Variants in PTH2R observed in about 807,000 individuals in gnomAD.
PTH2R encodes the protein PTH2 receptor.
In PTH2R, 59 loss-of-function variants were observed where a neutral mutation model predicts 60.3. The ratio of observed to expected loss-of-function variants is 0.98; its 90% CI spans 0.79 to 1.22. The LOEUF (loss-of-function observed/expected upper bound fraction) is 1.22, where lower values mean the gene tolerates loss of function less well. Among genes scored for constraint, PTH2R ranks in the 50% most tolerant of loss-of-function variants. The probability of loss-of-function intolerance (pLI) is 0.00; values close to 1 mark genes in which losing one functional copy is unlikely to be tolerated. For synonymous variants in PTH2R, 256 were observed against 243.8 expected, an observed-to-expected ratio of 1.05 and a Z score of -0.47; for missense variants, 749 against 682.6, an observed-to-expected ratio of 1.10 and a Z score of -1.08.
intron 4 of PTH2R, among the ~76,000 whole-genome samples, chr2:208,438,191 G>A (rs1023302032): frequency 2.6e-5 from 4 of 152,122 alleles, no homozygotes; most frequent in African/African-American, 9.7e-5. Flanking sequence ...ATCCCAATAG[G>A]TGGTTAGTAA....
chr2:208,480,554 C>T (rs1703123026), intron 9 of PTH2R, among the ~76,000 whole-genome samples: 1 of 152,142 alleles, frequency 6.6e-6, no homozygotes, highest in African/African-American at 2.4e-5. Context: ...AAATCAATCT[C>T]ATTGACTACA....
chr2:208,364,626 CT>C (rs1700542999), intron 1 of PTH2R, among the ~76,000 whole-genome samples: 1 of 151,934 alleles, frequency 6.6e-6, no homozygotes, highest in Admixed American at 6.6e-5. Flanking sequence ...TTTTATTCTT[CT>C]TTTTCAAAAT....
At chr2:208,436,067 G>A (rs886759387) in intron 2 of PTH2R, among the ~76,000 whole-genome samples, 1 of 152,208 alleles carries the variant, frequency 6.6e-6, no homozygotes, top group African/African-American at 2.4e-5. Flanking sequence ...GTGCATTCCC[G>A]GAATGTGGCT....
chr2:208,465,929 A>G (rs1201244367), intron 9 of PTH2R, among the ~76,000 whole-genome samples: 4 of 152,098 alleles, frequency 2.6e-5, no homozygotes, highest in Non-Finnish European at 5.9e-5. Flanking sequence ...AGAAAAATTT[A>G]ACAGGTCTAT....
At chr2:208,362,572 A>C (rs1174443712) in intron 1 of PTH2R, among the ~76,000 whole-genome samples, 1 of 152,060 alleles carries the variant, frequency 6.6e-6, no homozygotes, top group Non-Finnish European at 1.5e-5. Context: ...TTCTTTGGAG[A>C]ATTCTGACTG....
chr2:208,360,304 G>A, intron 1 of PTH2R: 1 of 350,536 alleles, frequency 2.9e-6, no homozygotes, highest in Non-Finnish European at 5.8e-6. Flanking sequence ...TCTCCTACTG[G>A]TCCCTAGGAA....
chr2:208,459,458 T>A (rs1702587135), intron 8 of PTH2R, among the ~76,000 whole-genome samples: 1 of 152,190 alleles, frequency 6.6e-6, no homozygotes, highest in Admixed American at 6.5e-5. Context: ...CTTGCATTAT[T>A]GTAAGGATTC....
intron 9 of PTH2R, among the ~76,000 whole-genome samples, chr2:208,476,347 C>T (rs1703003009): frequency 6.6e-6 from 1 of 151,972 alleles, no homozygotes; most frequent in Non-Finnish European, 1.5e-5. Flanking sequence ...TGATTTTTCC[C>T]CCAGAGAAAA....
rs888736497 is a variant in PTH2R at position 208,450,887 on chromosome 2, G to A, written c.914+78G>A. ...GGCTTCCTGCTCAGAATTCACACTC[G>A]CTTCTGTTCTTGATGCCATTGCTTT... On this transcript the variant is annotated intron_variant, in intron 8 of 12. Coordinates refer to ENST00000272847, the MANE Select transcript of PTH2R (RefSeq NM_005048.4). The A allele has an allele frequency of 5.9e-5, 87 of 1,480,376 alleles. 1 individual carries two copies. Among genetic ancestry groups the A allele is most frequent in the Non-Finnish European group, 7.4e-5 (78 of 1,060,884 alleles). The allele number at this position is 1,480,376 out of a possible 1,614,324, so 91.7% of individuals were successfully genotyped here.
intron 1 of PTH2R, among the ~76,000 whole-genome samples, chr2:208,394,913 G>A (rs1306076340): frequency 6.6e-6 from 1 of 152,098 alleles, no homozygotes; most frequent in Non-Finnish European, 1.5e-5. Flanking sequence ...AAGGAACGCA[G>A]GAACTGAATG....
intron 10 of PTH2R, among the ~76,000 whole-genome samples, chr2:208,482,342 C>T (rs953009485): frequency 9.9e-5 from 15 of 152,112 alleles, no homozygotes; most frequent in Non-Finnish European, 5.9e-5. Context: ...AGGGGGTCAC[C>T]GCCTTCTGGT....
At chr2:208,450,640 T>C in intron 7 of PTH2R, 109 bp from the exon 8 acceptor site, 1 of 1,099,272 alleles carries the variant, frequency 9.1e-7, no homozygotes, top group African/African-American at 1.6e-5. Context: ...TTCATGTCTA[T>C]TTTTATCTCT....
chr2:208,492,788 A>G lies in PTH2R; in HGVS notation c.1258-476A>G, dbSNP rs146061460. Among the ~76,000 whole-genome samples the G allele has an allele frequency of 2.5e-3, 381 of 152,260 alleles. 3 individuals carry two copies. The highest frequency in any genetic ancestry group is 8.6e-3 in the African/African-American group (358 of 41,554). On this transcript the variant is annotated intron_variant, in intron 12 of 12. Coordinates refer to ENST00000272847, the MANE Select transcript of PTH2R (RefSeq NM_005048.4). ...CAGCACTGAGCTTTCTCAGGCAGGC[A>G]CTATCAATGGCTGAGATCATCCTAG...
At chr2:208,493,134 G>T in intron 12 of PTH2R, 130 bp from the exon 13 acceptor site, 1 of 1,016,142 alleles carries the variant, frequency 9.8e-7, no homozygotes, top group Non-Finnish European at 1.3e-6. Flanking sequence ...CATAGATAAA[G>T]TCCCTGGCAC....
At chr2:208,449,344 GA>G (rs1483267002) in intron 7 of PTH2R, among the ~76,000 whole-genome samples, 1 of 152,162 alleles carries the variant, frequency 6.6e-6, no homozygotes, top group East Asian at 1.9e-4. Context: ...ATAAGTTTTA[GA>G]AAACAGGGAT....
intron 10 of PTH2R, 58 bp from the exon 11 acceptor site, chr2:208,488,954 T>C: frequency 6.3e-7 from 1 of 1,595,064 alleles, no homozygotes; most frequent in Non-Finnish European, 8.6e-7. Flanking sequence ...TCCAGCACGC[T>C]GTCTTTACTG....
In PTH2R at chr2:208,437,792, A is replaced by C; in HGVS notation, c.322A>C (p.Thr108Pro). 1 of 1,613,910 alleles carries C rather than the reference A, an allele frequency of 6.2e-7. No homozygotes were observed. Reference sequence around the variant, plus strand: ...TTTCCGACACTGTAACCCCAATGGAACATGGGATTTTATGCACAGCTTAAA... The same window carrying C: ...TTTCCGACACTGTAACCCCAATGGACCATGGGATTTTATGCACAGCTTAAA... ...VAFRHCNPNG[T>P]WDFMHSLNKT... is the part of the protein sequence containing the mutation. Residue 108 changes from threonine to proline, a missense_variant, in exon 4 of 13, where the codon ACA (threonine) becomes CCA (proline). Transcript: ENST00000272847.
chr2:208,473,522 G>A (rs1266300855), intron 9 of PTH2R, among the ~76,000 whole-genome samples: 1 of 152,176 alleles, frequency 6.6e-6, no homozygotes, highest in Non-Finnish European at 1.5e-5. Flanking sequence ...GTCCTGGCCA[G>A]TGTAAGCAGT....
Position 208,490,939 on chromosome 2 carries a change from A to G in PTH2R, c.1257+259A>G, listed in dbSNP as rs116336921. 8.2e-3 allele frequency among the ~76,000 whole-genome samples: 1,255 copies of G among 152,346 alleles called. 10 individuals carry two copies. The highest frequency in any genetic ancestry group is 0.013 in the Non-Finnish European group (854 of 68,032). ...GCAACTTGTTGGAATACAAACAGAC[A>G]CTTGGATGGACAGTGAACATCATAT... On this transcript the variant is annotated intron_variant, in intron 12 of 12. Transcript: ENST00000272847.
Sources: allele counts gnomAD v4.1 joint callset (sites outside exome capture counted in the v4.1 genomes callset), GRCh38; gene constraint gnomAD v4.1.1; transcripts MANE v1.5; gene names NCBI Gene and HGNC (gene_info 2026-07-23, HGNC 2026-07-21).